GABRA4: variants seen among roughly 807,000 people sequenced by gnomAD.
GABRA4 encodes the protein gamma-aminobutyric acid receptor subunit alpha-4.
A neutral mutation model predicts 49.7 loss-of-function variants in GABRA4; 12 were observed. The ratio of observed to expected loss-of-function variants is 0.24; its 90% CI spans 0.15 to 0.39. The LOEUF is 0.39. Ranked by LOEUF, GABRA4 falls within the 10% of genes least tolerant of loss-of-function variation. GABRA4 has a pLI of 1.00. For synonymous variants in GABRA4, 288 were observed against 240.2 expected (o/e 1.20, Z -1.84); for missense variants, 506 against 686.0 (o/e 0.74, Z 2.93).
Position 46,928,019 on chromosome 4 carries a change from T to A in GABRA4, c.*206A>T. 15 of 486,612 alleles carry A rather than the reference T, an allele frequency of 3.1e-5. No individual in the cohort carries two copies. Among genetic ancestry groups the A allele is most frequent in the South Asian group, 1.8e-4 (6 of 33,102 alleles). 30.1% of individuals were successfully genotyped at this position (486,612 alleles called of 1,614,324 possible). A position where few individuals can be genotyped will look rare whatever the true frequency, so the allele number is the denominator to read the frequency against. On this transcript the variant is annotated 3_prime_UTR_variant, in exon 9 of 9. Coordinates refer to ENST00000264318, the MANE Select transcript of GABRA4 (RefSeq NM_000809.4). ...TTCTATCTAACTGAATGCTGAGTTC[T>A]TTTAAAATAATTTTTCTGAAAAAAA...
intron 8 of GABRA4, among the ~76,000 whole-genome samples, chr4:46,939,816 T>C (rs1464697228): frequency 6.6e-6 from 1 of 151,994 alleles, no homozygotes; most frequent in Non-Finnish European, 1.5e-5. Context: ...TTCTTCCCAT[T>C]GCATGTGAAA....
chr4:46,936,424 T>G (rs982236089), intron 8 of GABRA4, among the ~76,000 whole-genome samples: 5 of 152,084 alleles, frequency 3.3e-5, no homozygotes, highest in Non-Finnish European at 5.9e-5. Flanking sequence ...TAATTTTGTA[T>G]TTTTTAGTAG....
At chr4:46,972,052 G>T (rs909043188) in intron 6 of GABRA4, among the ~76,000 whole-genome samples, 1 of 151,628 alleles carries the variant, frequency 6.6e-6, no homozygotes, top group Non-Finnish European at 1.5e-5. Flanking sequence ...CCAGCATTCA[G>T]AAACCTCACA....
intron 8 of GABRA4, among the ~76,000 whole-genome samples, chr4:46,958,654 C>CT (rs1336488112): frequency 6.6e-6 from 1 of 151,910 alleles, no homozygotes; most frequent in East Asian, 1.9e-4. Context: ...GGTTTGCCTT[C>CT]TGAGACGCCC....
intron 8 of GABRA4, among the ~76,000 whole-genome samples, chr4:46,946,209 G>A (rs1307033798): frequency 1.3e-5 from 2 of 152,100 alleles, no homozygotes; most frequent in Non-Finnish European, 2.9e-5. Context: ...TGCATTTGTA[G>A]CATTTTATAA....
rs1040320141 is a variant in GABRA4, at chr4:46,920,464, T to C, written c.*7761A>G. ...TGAGACATGAGAAATATTAAACGAG[T>C]TCAGCAAAATATTTTATTAAAGAGA... On this transcript the variant is annotated 3_prime_UTR_variant, in exon 9 of 9. Coordinates refer to ENST00000264318, the MANE Select transcript of GABRA4 (RefSeq NM_000809.4). The C allele has an allele frequency of 6.6e-6, 1 of 151,412 alleles. No homozygotes were observed. Among genetic ancestry groups the C allele is most frequent in the Non-Finnish European group, 1.5e-5 (1 of 67,606 alleles). 9.4% of individuals were successfully genotyped at this position (151,412 alleles called of 1,614,324 possible).
rs747549023 is a variant in GABRA4 at position 46,993,482 on chromosome 4, G to A, written c.-58C>T. 6.4e-7 allele frequency: 1 copy of A among 1,567,190 alleles called. No individual in the cohort carries two copies. The highest frequency in any genetic ancestry group is 1.4e-5 in the African/African-American group (1 of 73,952). ...CGTTTCCAGGCTCTTCAGATGCCCTGAGCAGGGTGCGAGGAGAGGGCAGAG... is the reference window on the plus strand; with the variant it reads ...CGTTTCCAGGCTCTTCAGATGCCCTAAGCAGGGTGCGAGGAGAGGGCAGAG... On this transcript the variant is annotated 5_prime_UTR_variant, in exon 1 of 9. Transcript: ENST00000264318.
At chr4:46,950,169 T>C (rs888355432) in intron 8 of GABRA4, among the ~76,000 whole-genome samples, 1 of 151,842 alleles carries the variant, frequency 6.6e-6, no homozygotes, top group African/African-American at 2.4e-5. Context: ...CAAGAGAGAG[T>C]GCCTGTTGAA....
At position 46,993,320 on chromosome 4, in the gene GABRA4, C is replaced by T. The variant is rs771398248; in HGVS notation, c.86+19G>A. ...CTCCACTTTCCGTTGCCCACCTCCT[C>T]GCACCCCAGAGAACTCACCAAACCG... On this transcript the variant is annotated intron_variant, in intron 1 of 8. Transcript: ENST00000264318. The T allele has an allele frequency of 3.1e-6, 5 of 1,610,234 alleles. No individual in the cohort carries two copies. Among genetic ancestry groups the T allele is most frequent in the South Asian group, 2.2e-5 (2 of 91,014 alleles).
intron 8 of GABRA4, among the ~76,000 whole-genome samples, chr4:46,960,146 T>C (rs1722520499): frequency 6.6e-6 from 1 of 151,308 alleles, no homozygotes; most frequent in Admixed American, 6.6e-5. Context: ...AGTACTAAAA[T>C]CAGATCAAAT....
At chr4:46,985,268 A>G (rs1379177079) in intron 2 of GABRA4, among the ~76,000 whole-genome samples, 1 of 152,108 alleles carries the variant, frequency 6.6e-6, no homozygotes, top group Non-Finnish European at 1.5e-5. Flanking sequence ...AAATAATTTT[A>G]AAAGGACTTA....
intron 2 of GABRA4, among the ~76,000 whole-genome samples, chr4:46,980,457 T>C (rs1723319247): frequency 1.3e-5 from 2 of 150,550 alleles, no homozygotes; most frequent in South Asian, 4.2e-4. Flanking sequence ...TGAATCTGAA[T>C]ATTTCTTCTT....
chr4:46,944,963 G>A (rs1240822211), intron 8 of GABRA4, among the ~76,000 whole-genome samples: 1 of 152,052 alleles, frequency 6.6e-6, no homozygotes, highest in Non-Finnish European at 1.5e-5. Flanking sequence ...TAAGTCAAAT[G>A]AATTCGATGA....
intron 5 of GABRA4, among the ~76,000 whole-genome samples, chr4:46,976,342 A>C (rs1723137833): frequency 1.2e-5 from 1 of 84,180 alleles, no homozygotes; most frequent in South Asian, 4.6e-4. Context: ...CAGCCTCTCT[A>C]CCACCCATTC....
In GABRA4 at chr4:46,928,241, G is replaced by A. The variant is rs761265243; in HGVS notation, c.1649C>T (p.Ser550Leu). 8 of 1,606,840 alleles carry A rather than the reference G, an allele frequency of 5.0e-6. No individual in the cohort carries two copies. Among genetic ancestry groups the A allele is most frequent in the Admixed American group, 1.7e-5 (1 of 59,452 alleles). The change falls in exon 9 of 9, where the codon TCA (serine) becomes TTA (leucine). Residue 550 changes from serine (S) to leucine (L), a missense_variant. Ser to Leu is a moderately radical substitution (Grantham distance 145, BLOSUM62 -2). Around this residue, in one of 5 missense-constraint regions of GABRA4, gnomAD observed 29 missense variants for 25.1 expected, o/e 1.16. Coordinates refer to ENST00000264318, the MANE Select transcript of GABRA4 (RefSeq NM_000809.4). ...GCAACGAAATTACATTAGACTTTCT[G>A]ATTTCTCCATAGTGTCCTTAGATAA... ...VYLSKDTMEK[S>L]ESLM
intron 8 of GABRA4, among the ~76,000 whole-genome samples, chr4:46,941,421 C>A (rs1721785626): frequency 6.6e-6 from 1 of 152,042 alleles, no homozygotes; most frequent in Non-Finnish European, 1.5e-5. Context: ...AGAATAATAA[C>A]AATAACTACT....
chr4:46,928,764 G>T lies in GABRA4; in HGVS notation c.1135-9C>A, dbSNP rs1254647155. On this transcript the variant is annotated splice_polypyrimidine_tract_variant and intron_variant, in intron 8 of 8. Transcript: ENST00000264318. The stretch of plus-strand genomic sequence containing the variant: ...AAATTGGCATTTGTATTCTGAAAAG[G>T]TATATGAAAAAATATATTGGTTATG... 6.3e-7 allele frequency: 1 copy of T among 1,576,840 alleles called. No homozygotes were observed. The highest frequency in any genetic ancestry group is 8.7e-7 in the Non-Finnish European group (1 of 1,153,962).
rs1175710778 is a variant in GABRA4 at position 46,977,526 on chromosome 4, T to A, written c.378A>T (p.Lys126Asn). 1.2e-6 allele frequency: 2 copies of A among 1,612,692 alleles called. No homozygotes were observed. The highest frequency in any genetic ancestry group is 1.7e-6 in the Non-Finnish European group (2 of 1,179,138). The change falls in exon 4 of 9, where the codon AAA becomes AAT. Residue 126 changes from lysine (K) to asparagine (N), a missense_variant. By Grantham distance (94) the Lys-to-Asn change is moderately conservative. Around this residue, in one of 5 missense-constraint regions of GABRA4, gnomAD observed 195 missense variants for 326.0 expected, o/e 0.60. Coordinates refer to ENST00000264318, the MANE Select transcript of GABRA4 (RefSeq NM_000809.4). ...TGAAGAAAGTATCAGGGGTCCACACTTTCGTTACCATCATATTGTTCAATC... is the reference window on the plus strand; with the variant it reads ...TGAAGAAAGTATCAGGGGTCCACACATTCGTTACCATCATATTGTTCAATC... The part of the protein sequence containing the change: ...ILRLNNMMVT[K>N]VWTPDTFFRN...
rs1202857372 is a variant in GABRA4, at chr4:46,921,477, A to G, written c.*6748T>C. The G allele has an allele frequency of 2.0e-5, 3 of 152,090 alleles. No individual in the cohort carries two copies. Among genetic ancestry groups the G allele is most frequent in the South Asian group, 2.1e-4 (1 of 4,838 alleles). 9.4% of individuals were successfully genotyped at this position (152,090 alleles called of 1,614,324 possible). ...GCAGAAATACTACCAAGGAAAATGT[A>G]AAAAGAATTTATTTTTTATACAGGA... On this transcript the variant is annotated 3_prime_UTR_variant, in exon 9 of 9. Transcript: ENST00000264318.
Sources: gnomAD v4.1 joint callset for allele counts (sites outside exome capture counted in the v4.1 genomes callset) on GRCh38, gnomAD v4.1.1 for gene constraint, gnomAD v4.1.1 regional missense constraint, MANE v1.5 for transcripts, NCBI Gene and HGNC (gene_info 2026-07-23, HGNC 2026-07-21) for gene names.